Variants in NACC2 observed in about 807,000 individuals in gnomAD.
NACC2 encodes the protein nucleus accumbens-associated protein 2.
NACC2 carries 8 observed loss-of-function variants against 25.1 expected under a neutral mutation model. The observed-to-expected ratio is 0.32, with a 90% CI of 0.19 to 0.57. The LOEUF (loss-of-function observed/expected upper bound fraction) is 0.57, where lower values mean the gene tolerates loss of function less well. Ranked by LOEUF, NACC2 falls within the 20% of genes least tolerant of loss-of-function variation. NACC2 has a pLI of 0.89. For missense variants in NACC2, 644 were observed against 650.2 expected, an observed-to-expected ratio of 0.99 and a Z score of 0.10; for synonymous variants, 435 against 294.7, an observed-to-expected ratio of 1.48 and a Z score of -4.88.
intron 2 of NACC2, among the ~76,000 whole-genome samples, chr9:136,025,723 G>A (rs1277538090): frequency 1.3e-5 from 2 of 151,954 alleles, no homozygotes; most frequent in Non-Finnish European, 2.9e-5. Flanking sequence ...AGACAGCCTG[G>A]CCAAAACGGC....
intron 2 of NACC2, among the ~76,000 whole-genome samples, chr9:136,034,967 G>A (rs1840530836): frequency 6.6e-6 from 1 of 152,150 alleles, no homozygotes; most frequent in Admixed American, 6.5e-5. Context: ...GGTGGTGGGT[G>A]CCTGTAATCC....
intron 2 of NACC2, among the ~76,000 whole-genome samples, chr9:136,031,348 T>TTCATTCAA (rs2082736701): frequency 6.6e-6 from 1 of 151,432 alleles, no homozygotes; most frequent in African/African-American, 2.5e-5. Context: ...CATTCATTCA[T>TTCATTCAA]TCATTCTGAG....
In NACC2 at chr9:136,050,374, C is replaced by T; in HGVS notation, c.148G>A (p.Ala50Thr). The T allele has an allele frequency of 1.3e-6, 1 of 750,396 alleles. No homozygotes were observed. Among genetic ancestry groups the T allele is most frequent in the Non-Finnish European group, 2.4e-6 (1 of 409,606 alleles). The allele number at this position is 750,396 out of a possible 1,614,324, so 46.5% of individuals were successfully genotyped here. Residue 50 changes from alanine to threonine, a missense_variant, in exon 2 of 6, where the codon GCC becomes ACC. Transcript: ENST00000277554. ...AGGTCGCGGAAGTAGAGGCTGCTGG[C>T]GGCCAGCACCGCCCGGTGGGCCTTG... ...AFKAHRAVLA[A>T]SSLYFRDLFS...
At chr9:136,072,479 A>G (rs1405688628) in intron 1 of NACC2, among the ~76,000 whole-genome samples, 1 of 152,124 alleles carries the variant, frequency 6.6e-6, no homozygotes, top group Non-Finnish European at 1.5e-5. Flanking sequence ...CAGAAGGCAG[A>G]GATTGCAGTG....
intron 1 of NACC2, among the ~76,000 whole-genome samples, chr9:136,066,257 C>A (rs1841079705): frequency 1.3e-5 from 2 of 150,192 alleles, no homozygotes; most frequent in South Asian, 4.2e-4. Context: ...GCCAACCATA[C>A]AAGAGACTTA....
intron 1 of NACC2, among the ~76,000 whole-genome samples, chr9:136,088,114 G>T (rs933529133): frequency 2.6e-5 from 4 of 152,198 alleles, no homozygotes; most frequent in African/African-American, 7.2e-5. Context: ...GGCTTGTACG[G>T]TCGCCAGGTG....
intron 1 of NACC2, among the ~76,000 whole-genome samples, chr9:136,075,058 C>A (rs1287352968): frequency 1.3e-5 from 2 of 152,124 alleles, no homozygotes; most frequent in Non-Finnish European, 2.9e-5. Context: ...CTCCTCCAGG[C>A]CGACGCTCTT....
rs75386418 is a variant in NACC2 at position 136,082,103 on chromosome 9, G to A, written c.-60+13086C>T. Among the ~76,000 whole-genome samples, 1,505 of 152,208 alleles carry A rather than the reference G, an allele frequency of 9.9e-3. 26 individuals carry two copies. Among genetic ancestry groups the A allele is most frequent in the African/African-American group, 0.034 (1,416 of 41,528 alleles). On this transcript the variant is annotated intron_variant, in intron 1 of 5. Coordinates refer to ENST00000277554, the MANE Select transcript of NACC2 (RefSeq NM_144653.5). ...CTCCAAAGACTCTCCACCTGAACAC[G>A]ACCTGCCGGGGCCCTGGGTCAGCTC...
Position 136,091,184 on chromosome 9 carries a change from T to C in NACC2, c.-60+4005A>G, listed in dbSNP as rs536619195. Reference sequence around the variant, plus strand: ...AAAGGGTAGTGAGCCTTACATGGGATTCAGTGGCTTCACTGGCCCAACAGC... The same window carrying C: ...AAAGGGTAGTGAGCCTTACATGGGACTCAGTGGCTTCACTGGCCCAACAGC... On this transcript the variant is annotated intron_variant, in intron 1 of 5. Transcript: ENST00000277554. Among the ~76,000 whole-genome samples the C allele has an allele frequency of 5.3e-5, 8 of 152,078 alleles. No homozygotes were observed. In the East Asian group the frequency reaches 1.6e-3, roughly 30 times the overall value.
intron 1 of NACC2, among the ~76,000 whole-genome samples, chr9:136,087,348 A>C (rs1228302513): frequency 6.6e-6 from 1 of 152,096 alleles, no homozygotes; most frequent in African/African-American, 2.4e-5. Flanking sequence ...GCCCCCCTCC[A>C]ACACACCCCA....
chr9:136,087,713 CG>C (rs1830392962), intron 1 of NACC2, among the ~76,000 whole-genome samples: 1 of 152,152 alleles, frequency 6.6e-6, no homozygotes, highest in African/African-American at 2.4e-5. Context: ...CACCGCAGCA[CG>C]GGGGGAAATG....
intron 1 of NACC2, among the ~76,000 whole-genome samples, chr9:136,094,160 G>A (rs7048213): frequency 1.3e-5 from 2 of 152,360 alleles, no homozygotes; most frequent in South Asian, 2.1e-4. Flanking sequence ...GCGCAGCAGA[G>A]AACACAGCTC....
chr9:136,046,044 A>T lies in NACC2; in HGVS notation c.886+3592T>A, dbSNP rs1038587814. 4.6e-5 allele frequency among the ~76,000 whole-genome samples: 7 copies of T among 152,158 alleles called. 1 individual carries two copies. Among genetic ancestry groups the T allele is most frequent in the Admixed American group, 3.9e-4 (6 of 15,290 alleles). ...GCACCCTGGGGGAATGAAGGCGGGT[A>T]CGCGAGGAAGAGGGCCCGAAGAGGA... On this transcript the variant is annotated intron_variant, in intron 2 of 5. Coordinates refer to ENST00000277554, the MANE Select transcript of NACC2 (RefSeq NM_144653.5).
chr9:136,067,008 T>C (rs1841091957), intron 1 of NACC2, among the ~76,000 whole-genome samples: 1 of 151,020 alleles, frequency 6.6e-6, no homozygotes, highest in African/African-American at 2.4e-5. Flanking sequence ...CCCAGCACTT[T>C]GGGAGGTCAA....
At chr9:136,015,414 C>G (rs868838291) in intron 3 of NACC2, among the ~76,000 whole-genome samples, 2 of 152,342 alleles carry the variant, frequency 1.3e-5, no homozygotes, top group African/African-American at 4.8e-5. Flanking sequence ...CAGCCCAACA[C>G]TGCCAGGTGC....
At chr9:136,051,499 G>T (rs1429760027) in intron 1 of NACC2, among the ~76,000 whole-genome samples, 2 of 152,268 alleles carry the variant, frequency 1.3e-5, no homozygotes, top group African/African-American at 2.4e-5. Flanking sequence ...CTGTTTATCT[G>T]GTGCGGACTC....
chr9:136,065,582 T>C (rs1841069947), intron 1 of NACC2, among the ~76,000 whole-genome samples: 1 of 152,242 alleles, frequency 6.6e-6, no homozygotes, highest in Non-Finnish European at 1.5e-5. Context: ...ATTGCGCCAC[T>C]GCACTCCAGC....
intron 3 of NACC2, among the ~76,000 whole-genome samples, chr9:136,015,232 C>T (rs1178578509): frequency 2.6e-5 from 4 of 152,232 alleles, no homozygotes; most frequent in Admixed American, 2.0e-4. Context: ...TGGGACCACA[C>T]CTATGTGAAG....
At chr9:136,047,421 G>A (rs1335392601) in intron 2 of NACC2, among the ~76,000 whole-genome samples, 1 of 152,224 alleles carries the variant, frequency 6.6e-6, no homozygotes, top group African/African-American at 2.4e-5. Context: ...GAAAAACCAT[G>A]ACAAGAAACC....
Sources: allele counts gnomAD v4.1 joint callset (sites outside exome capture counted in the v4.1 genomes callset), GRCh38; gene constraint gnomAD v4.1.1; transcripts MANE v1.5; gene names NCBI Gene and HGNC (gene_info 2026-07-23, HGNC 2026-07-21).